HYAL4: variants seen among roughly 807,000 people sequenced by gnomAD.
HYAL4 encodes hyaluronidase 4.
In HYAL4, 37 loss-of-function variants were observed where a neutral mutation model predicts 35.2. The observed-to-expected ratio is 1.05, with a 90% CI of 0.81 to 1.38. The LOEUF (loss-of-function observed/expected upper bound fraction) is 1.38. HYAL4 is among the 40% of genes most tolerant of loss of function. The pLI, the probability that HYAL4 is intolerant of heterozygous loss-of-function variation, is 0.00. For synonymous variants in HYAL4, 198 were observed against 203.2 expected, an observed-to-expected ratio of 0.97 and a Z score of 0.22; for missense variants, 572 against 572.4, an observed-to-expected ratio of 1.00 and a Z score of 0.01.
chr7:123,783,787 A>C, the HYAL4 span, among the ~76,000 whole-genome samples: 1 of 152,240 alleles, frequency 6.6e-6, no homozygotes, highest in African/African-American at 2.4e-5. Flanking sequence ...GATTTTAATG[A>C]CTAGACTTTA....
At chr7:123,839,001 A>G (rs1408510622) in intron 1 of HYAL4, among the ~76,000 whole-genome samples, 1 of 151,672 alleles carries the variant, frequency 6.6e-6, no homozygotes, top group African/African-American at 2.4e-5. Flanking sequence ...TTAAATTATT[A>G]TTATACTTTA....
chr7:123,819,103 C>T, the HYAL4 span, among the ~76,000 whole-genome samples: 1 of 152,150 alleles, frequency 6.6e-6, no homozygotes, highest in Non-Finnish European at 1.5e-5. Flanking sequence ...CCCTCCTAAC[C>T]ACCTCAGCCT....
At chr7:123,805,745 ATATT>A in the HYAL4 span, among the ~76,000 whole-genome samples, 1 of 152,212 alleles carries the variant, frequency 6.6e-6, no homozygotes, top group Non-Finnish European at 1.5e-5. Context: ...ATTATGTAAT[ATATT>A]TATTATATTA....
upstream of HYAL4, among the ~76,000 whole-genome samples, chr7:123,840,752 G>A (rs1281247044): frequency 6.6e-6 from 1 of 151,914 alleles, no homozygotes; most frequent in Non-Finnish European, 1.5e-5. Flanking sequence ...TGTAGCAATT[G>A]TGAATGGGAG....
the HYAL4 span, among the ~76,000 whole-genome samples, chr7:123,777,588 G>C: frequency 1.3e-5 from 2 of 152,072 alleles, no homozygotes; most frequent in Non-Finnish European, 2.9e-5. Context: ...CACTCCTTGA[G>C]GATAGGTTCT....
chr7:123,868,688 A>T lies in HYAL4; in HGVS notation c.415A>T (p.Ser139Cys). ...TTATTACATCCCTGCTGAAGATTTC[A>T]GTGGACTTGCTGTTATAGATTGGGA... Reference protein sequence around the residue: ...INYYIPAEDFSGLAVIDWEYW... With the variant: ...INYYIPAEDFCGLAVIDWEYW... Residue 139 changes from serine to cysteine, a missense_variant, in exon 3 of 5, where the codon AGT becomes TGT. Transcript: ENST00000223026. 1.2e-6 allele frequency: 2 copies of T among 1,613,738 alleles called. No individual in the cohort carries two copies. Among genetic ancestry groups the T allele is most frequent in the Non-Finnish European group, 8.5e-7 (1 of 1,179,920 alleles).
Position 123,877,122 on chromosome 7 carries a change from G to A in HYAL4, c.1413G>A (p.Leu471=). 2 of 1,614,004 alleles carry A rather than the reference G, an allele frequency of 1.2e-6. No homozygotes were observed. The highest frequency in any genetic ancestry group is 8.5e-7 in the Non-Finnish European group (1 of 1,179,926). The change falls in exon 5 of 5, where the codon CTG becomes CTA. Residue 471 remains leucine, a synonymous_variant. Coordinates refer to ENST00000223026, the MANE Select transcript of HYAL4 (RefSeq NM_012269.3). ...GTTCACTAATGACACTTTGTCTACT[G>A]CTTTTAGCAAGTTATCGAAGCATTC... ...SPGSLMTLCL[L]LLASYRSIQL is the part of the protein sequence containing the mutation.
At chr7:123,837,692 A>G (rs1042665415) in intron 1 of HYAL4, among the ~76,000 whole-genome samples, 1 of 105,824 alleles carries the variant, frequency 9.4e-6, no homozygotes, top group Non-Finnish European at 1.8e-5. Flanking sequence ...CCACCCCACA[A>G]CAGGCCCCGG....
At chr7:123,777,156 C>A in the HYAL4 span, among the ~76,000 whole-genome samples, 6 of 152,080 alleles carry the variant, frequency 3.9e-5, no homozygotes, top group Non-Finnish European at 7.4e-5. Flanking sequence ...GAAAGAAATT[C>A]TCTTACCATT....
the HYAL4 span, among the ~76,000 whole-genome samples, chr7:123,815,485 A>T: frequency 6.6e-6 from 1 of 152,180 alleles, no homozygotes. Flanking sequence ...TAGGCTAACT[A>T]AAAAAATTAC....
In HYAL4 at chr7:123,868,530, A is replaced by G. The variant is rs370390153; in HGVS notation, c.257A>G (p.Asn86Ser). Reference sequence around the variant, plus strand: ...CCACTGGCCAAGGCCAGGGGGCAAAATGTCACTATATTTTATGTCAACAGA... The same window carrying G: ...CCACTGGCCAAGGCCAGGGGGCAAAGTGTCACTATATTTTATGTCAACAGA... The part of the protein sequence containing the change: ...GSPLAKARGQ[N>S]VTIFYVNRLG... The change falls in exon 3 of 5, where the codon AAT (asparagine) becomes AGT (serine). Residue 86 changes from asparagine (N) to serine (S), a missense_variant. By Grantham distance (46) the Asn-to-Ser change is conservative. Coordinates refer to ENST00000223026, the MANE Select transcript of HYAL4 (RefSeq NM_012269.3). 25 of 1,609,790 alleles carry G rather than the reference A, an allele frequency of 1.6e-5. No individual in the cohort carries two copies. In the African/African-American group the frequency reaches 3.1e-4, roughly 20 times the overall value.
At chr7:123,765,737 A>G in the HYAL4 span, among the ~76,000 whole-genome samples, 1 of 152,162 alleles carries the variant, frequency 6.6e-6, no homozygotes, top group Non-Finnish European at 1.5e-5. Flanking sequence ...CTACCAACAC[A>G]GTGCATCTCT....
intron 2 of HYAL4, among the ~76,000 whole-genome samples, chr7:123,864,309 G>C (rs1466669557): frequency 6.6e-6 from 1 of 152,140 alleles, no homozygotes; most frequent in African/African-American, 2.4e-5. Flanking sequence ...TGAAGGAAAG[G>C]AACTAGTCCT....
upstream of HYAL4, among the ~76,000 whole-genome samples, chr7:123,824,468 C>T (rs769099017): frequency 2.0e-5 from 3 of 152,044 alleles, no homozygotes; most frequent in Admixed American, 6.6e-5. Context: ...ATTATCTTTC[C>T]TGCTGAAAGC....
At chr7:123,788,937 A>G in the HYAL4 span, among the ~76,000 whole-genome samples, 1 of 152,200 alleles carries the variant, frequency 6.6e-6, no homozygotes, top group African/African-American at 2.4e-5. Flanking sequence ...TCCTTTCTCT[A>G]TCTAATAAAT....
intron 2 of HYAL4, among the ~76,000 whole-genome samples, chr7:123,854,200 G>A (rs1456368407): frequency 6.6e-6 from 1 of 152,040 alleles, no homozygotes; most frequent in Non-Finnish European, 1.5e-5. Context: ...GTTTTTGAAA[G>A]GTTTTTCATG....
At chr7:123,838,537 TA>T (rs1806004381) in intron 1 of HYAL4, among the ~76,000 whole-genome samples, 1 of 151,824 alleles carries the variant, frequency 6.6e-6, no homozygotes, top group Non-Finnish European at 1.5e-5. Flanking sequence ...CTTTTTATAA[TA>T]AATGATGTCA....
At chr7:123,795,432 A>G in the HYAL4 span, among the ~76,000 whole-genome samples, 13 of 152,198 alleles carry the variant, frequency 8.5e-5, no homozygotes, top group Admixed American at 7.9e-4. Context: ...GTCCTCATCC[A>G]AATCTCATGT....
chr7:123,806,932 A>G, the HYAL4 span, among the ~76,000 whole-genome samples: 16 of 152,144 alleles, frequency 1.1e-4, no homozygotes, highest in Non-Finnish European at 1.9e-4. Flanking sequence ...ATGGGAAGGG[A>G]CAGGATTGGC....
Sources: gnomAD v4.1 joint callset for allele counts (sites outside exome capture counted in the v4.1 genomes callset) on GRCh38, gnomAD v4.1.1 for gene constraint, MANE v1.5 for transcripts, NCBI Gene and HGNC (gene_info 2026-07-23, HGNC 2026-07-21) for gene names.